Variants in ARSK observed in about 807,000 individuals in gnomAD.
ARSK encodes the protein arylsulfatase K.
In ARSK, 37 loss-of-function variants were observed where a neutral mutation model predicts 53.2. The ratio of observed to expected loss-of-function variants is 0.70; its 90% CI spans 0.54 to 0.92. The LOEUF is 0.92. Ranked by LOEUF, ARSK falls within the 40% of genes least tolerant of loss-of-function variation. The pLI, the probability that ARSK is intolerant of heterozygous loss-of-function variation, is 0.00. For missense variants in ARSK, 613 were observed against 643.0 expected (o/e 0.95, Z 0.51); for synonymous variants, 208 against 223.2 (o/e 0.93, Z 0.61).
chr5:95,571,848 A>G (rs968711343), intron 3 of ARSK, among the ~76,000 whole-genome samples: 1 of 152,268 alleles, frequency 6.6e-6, no homozygotes, highest in Non-Finnish European at 1.5e-5. Flanking sequence ...TGAATTATAT[A>G]GCACATTACT....
intron 5 of ARSK, among the ~76,000 whole-genome samples, chr5:95,590,353 C>T (rs769259415): frequency 3.3e-5 from 5 of 151,914 alleles, no homozygotes; most frequent in Admixed American, 6.6e-5. Context: ...AGCAGGTAGC[C>T]GAGGGTGCTG....
At position 95,598,313 on chromosome 5, in the gene ARSK, AAATC is replaced by A. The variant is rs1580232294; in HGVS notation, c.1097-2531_1097-2528del. On this transcript the variant is annotated intron_variant, in intron 6 of 7. Coordinates refer to ENST00000380009, the MANE Select transcript of ARSK (RefSeq NM_198150.3). The stretch of plus-strand genomic sequence containing the variant: ...AAATATGCAAAATGATTTTAAATAA[AAATC>A]AAACAGCTTTTTGAAAAGCAGTCTA... Among the ~76,000 whole-genome samples the A allele has an allele frequency of 3.3e-5, 5 of 152,346 alleles. No homozygotes were observed. The East Asian group carries it at 9.6e-4, about 29-fold the overall frequency.
At chr5:95,564,335 T>C (rs1748690770) in intron 1 of ARSK, among the ~76,000 whole-genome samples, 1 of 152,176 alleles carries the variant, frequency 6.6e-6, no homozygotes, top group Admixed American at 6.5e-5. Flanking sequence ...AGTAGTTATT[T>C]GCTTAGCATT....
At chr5:95,602,347 A>C (rs1286895670) in intron 7 of ARSK, among the ~76,000 whole-genome samples, 1 of 152,192 alleles carries the variant, frequency 6.6e-6, no homozygotes, top group East Asian at 1.9e-4. Context: ...ATGTTCTACC[A>C]AAAAACTGAT....
chr5:95,598,811 T>TA (rs1749352333), intron 6 of ARSK, among the ~76,000 whole-genome samples: 1 of 152,192 alleles, frequency 6.6e-6, no homozygotes, highest in African/African-American at 2.4e-5. Flanking sequence ...GTTTGGAAAA[T>TA]AAACCAAGTA....
intron 1 of ARSK, among the ~76,000 whole-genome samples, chr5:95,564,750 C>T (rs1748699523): frequency 6.6e-6 from 1 of 152,170 alleles, no homozygotes; most frequent in Admixed American, 6.5e-5. Flanking sequence ...TCATGGCACT[C>T]GGTCTCCTCA....
intron 3 of ARSK, among the ~76,000 whole-genome samples, chr5:95,570,847 T>C (rs1016387585): frequency 1.3e-5 from 2 of 151,858 alleles, no homozygotes; most frequent in Non-Finnish European, 2.9e-5. Flanking sequence ...AATAGCGTGA[T>C]CTTGGCTCGC....
chr5:95,601,336 C>G (rs1471173009), intron 7 of ARSK, among the ~76,000 whole-genome samples: 1 of 152,174 alleles, frequency 6.6e-6, no homozygotes, highest in Non-Finnish European at 1.5e-5. Context: ...TTTCAGTACT[C>G]ATGGTTATCT....
rs972280973 is a variant in ARSK at position 95,567,833 on chromosome 5, A to C, written c.257-57A>C. The C allele has an allele frequency of 2.0e-6, 3 of 1,513,664 alleles. No homozygotes were observed. In the African/African-American group the frequency reaches 4.2e-5, roughly 21 times the overall value. 93.8% of individuals were successfully genotyped at this position (1,513,664 alleles called of 1,614,324 possible). A position where few individuals can be genotyped will look rare whatever the true frequency, so the allele number is the denominator to read the frequency against. On this transcript the variant is annotated intron_variant, in intron 2 of 7. Coordinates refer to ENST00000380009, the MANE Select transcript of ARSK (RefSeq NM_198150.3). ...ACTGCTCTCTCAGAGTAATTGTCCT[A>C]ATAGTTAAATTGTTAAGCTTTACCT...
intron 1 of ARSK, among the ~76,000 whole-genome samples, chr5:95,561,003 G>T (rs1208919312): frequency 6.6e-6 from 1 of 151,932 alleles, no homozygotes; most frequent in East Asian, 1.9e-4. Flanking sequence ...TAGAGATGGG[G>T]TTTCACCGTA....
In ARSK at chr5:95,601,205, A is replaced by G. The variant is rs1049416424; in HGVS notation, c.1321+134A>G. 52 of 900,226 alleles carry G rather than the reference A, an allele frequency of 5.8e-5. 1 individual carries two copies. The highest frequency in any genetic ancestry group is 8.1e-5 in the Non-Finnish European group (49 of 603,188). The allele number at this position is 900,226 out of a possible 1,614,324, so 55.8% of individuals were successfully genotyped here. ...GCTTCTCATGCTAGGACGATCTACA[A>G]AAGGTTGCCCATGTGAGGAACAGCC... On this transcript the variant is annotated intron_variant, in intron 7 of 7. Transcript: ENST00000380009.
At chr5:95,570,637 G>A (rs1275487746) in intron 3 of ARSK, among the ~76,000 whole-genome samples, 1 of 152,128 alleles carries the variant, frequency 6.6e-6, no homozygotes, top group Non-Finnish European at 1.5e-5. Context: ...TGTTTTATAT[G>A]AGTTAAAAGA....
intron 3 of ARSK, among the ~76,000 whole-genome samples, chr5:95,573,639 C>T (rs569500771): frequency 1.3e-5 from 2 of 152,304 alleles, no homozygotes; most frequent in Admixed American, 1.3e-4. Flanking sequence ...AAATCAAATT[C>T]CCTATCATTT....
intron 3 of ARSK, among the ~76,000 whole-genome samples, chr5:95,574,601 A>G (rs1273403338): frequency 6.6e-6 from 1 of 152,166 alleles, no homozygotes; most frequent in East Asian, 1.9e-4. Context: ...AATGTTGCTG[A>G]GCATCTTTTC....
intron 7 of ARSK, 137 bp downstream of exon 7, chr5:95,601,208 G>T: frequency 1.1e-6 from 1 of 875,132 alleles, no homozygotes; most frequent in Non-Finnish European, 1.7e-6. Context: ...ATCTACAAAA[G>T]GTTGCCCATG....
intron 1 of ARSK, among the ~76,000 whole-genome samples, chr5:95,564,297 G>A (rs550086375): frequency 7.9e-5 from 12 of 152,066 alleles, no homozygotes; most frequent in South Asian, 2.1e-4. Flanking sequence ...TTTTGTCTTC[G>A]CCTTTCTAGC....
At chr5:95,594,272 T>C (rs951054655) in intron 6 of ARSK, among the ~76,000 whole-genome samples, 1 of 152,174 alleles carries the variant, frequency 6.6e-6, no homozygotes, top group South Asian at 2.1e-4. Context: ...GGAGACAACA[T>C]TGTAACACAA....
At chr5:95,567,204 C>G (rs933361201) in intron 2 of ARSK, among the ~76,000 whole-genome samples, 1 of 152,052 alleles carries the variant, frequency 6.6e-6, no homozygotes, top group African/African-American at 2.4e-5. Context: ...GTTGTTTTTC[C>G]TGGAAGAAGT....
At chr5:95,582,503 T>C (rs1561365520) in intron 3 of ARSK, among the ~76,000 whole-genome samples, 1 of 152,112 alleles carries the variant, frequency 6.6e-6, no homozygotes, top group Admixed American at 6.5e-5. Flanking sequence ...AGGTAGATTT[T>C]TGAAACTATA....
Sources: gnomAD v4.1 joint callset for allele counts (sites outside exome capture counted in the v4.1 genomes callset) on GRCh38, gnomAD v4.1.1 for gene constraint, MANE v1.5 for transcripts, NCBI Gene and HGNC (gene_info 2026-07-23, HGNC 2026-07-21) for gene names.